Variants in C10orf53 observed in about 807,000 individuals in gnomAD.
C10orf53 encodes the protein UPF0728 protein C10orf53.
In C10orf53, 8 loss-of-function variants were observed where a neutral mutation model predicts 9.4. The observed-to-expected ratio is 0.85, with a 90% CI of 0.50 to 1.53. The LOEUF is 1.53. C10orf53 is among the 40% of genes most tolerant of loss of function. The pLI, the probability that C10orf53 is intolerant of heterozygous loss-of-function variation, is 0.00. For synonymous variants in C10orf53, 48 were observed against 46.0 expected (o/e 1.04, Z -0.18); for missense variants, 117 against 117.8 (o/e 0.99, Z 0.03).
intron 1 of C10orf53, among the ~76,000 whole-genome samples, chr10:49,683,665 A>G (rs573957628): frequency 6.6e-6 from 1 of 152,204 alleles, no homozygotes; most frequent in Non-Finnish European, 1.5e-5. Flanking sequence ...ACTTGAACCC[A>G]GGAGTTCAAG....
At chr10:49,694,423 T>A (rs2278561) in intron 2 of C10orf53, 115 bp from the exon 3 acceptor site, 1 of 1,389,242 alleles carries the variant, frequency 7.2e-7, no homozygotes, top group South Asian at 1.3e-5. Flanking sequence ...TAGTTAACAT[T>A]TTACCAGCCC....
At chr10:49,689,630 G>C (rs558229181) in intron 1 of C10orf53, among the ~76,000 whole-genome samples, 1 of 152,128 alleles carries the variant, frequency 6.6e-6, no homozygotes, top group South Asian at 2.1e-4. Flanking sequence ...AAAGGAATGG[G>C]TAAATAAATT....
chr10:49,708,334 T>C (rs749204515), intron 2 of C10orf53: 2 of 1,609,358 alleles, frequency 1.2e-6, no homozygotes. Context: ...TTGATGCTGC[T>C]TTCTTCTCTG....
downstream of C10orf53, among the ~76,000 whole-genome samples, chr10:49,699,190 CTTTTTTTTT>C (rs67695235): frequency 4.6e-5 from 3 of 64,870 alleles, no homozygotes; most frequent in Non-Finnish European, 7.5e-5. Context: ...GTGGCTCAAT[CTTTTTTTTT>C]TTTTTTTTTT....
At chr10:49,708,825 C>A in exon 3 of C10orf53, 1 of 684,302 alleles carries the variant, frequency 1.5e-6, no homozygotes, top group Non-Finnish European at 2.4e-6. Flanking sequence ...CAACTGTATT[C>A]CCGTGTTGAA....
intron 2 of C10orf53, chr10:49,694,283 T>C: frequency 1.7e-6 from 1 of 598,152 alleles, no homozygotes; most frequent in Non-Finnish European, 2.9e-6. Flanking sequence ...ACTGAGTTGA[T>C]ATGCCAGCAG....
intron 2 of C10orf53, among the ~76,000 whole-genome samples, chr10:49,707,442 C>T (rs1221626076): frequency 6.6e-6 from 1 of 152,188 alleles, no homozygotes; most frequent in African/African-American, 2.4e-5. Flanking sequence ...CAATGACAAG[C>T]ACAACCAGCT....
In C10orf53 at chr10:49,696,922, T is replaced by C. The variant is rs1043248870; in HGVS notation, c.*2320T>C. On this transcript the variant is annotated 3_prime_UTR_variant, in exon 3 of 3. Coordinates refer to ENST00000374111, the MANE Select transcript of C10orf53 (RefSeq NM_001042427.3). ...AACTTAAAATCAGGGCCGGGCACTA[T>C]GGCTTTTGCCTGTAATCCCAGCACT... is the stretch of plus-strand genomic sequence containing the variant. Among the ~76,000 whole-genome samples the C allele has an allele frequency of 2.8e-4, 42 of 152,240 alleles. No individual in the cohort carries two copies. Among genetic ancestry groups the C allele is most frequent in the African/African-American group, 9.9e-4 (41 of 41,464 alleles).
chr10:49,699,196 T>TA (rs1307332080), downstream of C10orf53, among the ~76,000 whole-genome samples: 25 of 122,510 alleles, frequency 2.0e-4, 3 homozygotes, highest in South Asian at 3.2e-4. Context: ...CAATCTTTTT[T>TA]TTTTTTTTTT....
exon 3 of C10orf53, chr10:49,709,234 T>C (rs988387265): frequency 1.3e-5 from 2 of 152,530 alleles, no homozygotes; most frequent in Admixed American, 6.5e-5. Context: ...ACCTCAACTC[T>C]AGGGCTTGTG....
rs1035488898 is a variant in C10orf53, at chr10:49,679,802, T to G, written c.97+8T>G. The G allele has an allele frequency of 6.5e-7, 1 of 1,529,628 alleles. No individual in the cohort carries two copies. The highest frequency in any genetic ancestry group is 8.8e-7 in the Non-Finnish European group (1 of 1,139,284). 94.8% of individuals were successfully genotyped at this position (1,529,628 alleles called of 1,614,324 possible). ...GCCTGCAGGGCCTGCAAGGTGGGCC[T>G]CCTCGCCGCGTGCGCCCCTGAGGGC... is the stretch of plus-strand genomic sequence containing the variant. On this transcript the variant is annotated splice_region_variant and intron_variant, in intron 1 of 2. Transcript: ENST00000374111.
At chr10:49,700,781 C>T (rs547811457), downstream of C10orf53, among the ~76,000 whole-genome samples, 6 of 152,252 alleles carry the variant, frequency 3.9e-5, no homozygotes, top group South Asian at 1.2e-3. Context: ...CACCCTGGAA[C>T]CTGCTGGAAG....
chr10:49,696,639 G>A lies in C10orf53; in HGVS notation c.*2037G>A, dbSNP rs1175659226. 6.6e-6 allele frequency among the ~76,000 whole-genome samples: 1 copy of A among 152,168 alleles called. No homozygotes were observed. Among genetic ancestry groups the A allele is most frequent in the African/African-American group, 2.4e-5 (1 of 41,444 alleles). On this transcript the variant is annotated 3_prime_UTR_variant, in exon 3 of 3. Transcript: ENST00000374111. ...TACACGGATTCTAAGAAATACCGGA[G>A]AAGCTTCTGGGAGATGCCTGTGCCC... is the stretch of plus-strand genomic sequence containing the variant.
chr10:49,689,571 G>A lies in C10orf53; in HGVS notation c.98-4203G>A, dbSNP rs76603454. ...ACGCACTAGGATGCATGCTGTGAAT[G>A]TTTTCTACAACATTCTCAGCGATAG... is the stretch of plus-strand genomic sequence containing the variant. On this transcript the variant is annotated intron_variant, in intron 1 of 2. Transcript: ENST00000374111. Among the ~76,000 whole-genome samples, 736 of 152,242 alleles carry A rather than the reference G, an allele frequency of 4.8e-3. 5 individuals carry two copies. The highest frequency in any genetic ancestry group is 0.016 in the African/African-American group (674 of 41,524).
intron 1 of C10orf53, among the ~76,000 whole-genome samples, chr10:49,688,850 C>G (rs1410545442): frequency 6.6e-6 from 1 of 152,180 alleles, no homozygotes; most frequent in Non-Finnish European, 1.5e-5. Flanking sequence ...CCTTGGGCAT[C>G]CCAACAAAAA....
At chr10:49,708,672 G>A in exon 3 of C10orf53, 1 of 1,595,254 alleles carries the variant, frequency 6.3e-7, no homozygotes, top group Non-Finnish European at 8.5e-7. Flanking sequence ...GAAAATGGTG[G>A]GTCTGTTTCC....
At chr10:49,689,008 A>C (rs1368732445) in intron 1 of C10orf53, among the ~76,000 whole-genome samples, 1 of 152,172 alleles carries the variant, frequency 6.6e-6, no homozygotes, top group East Asian at 1.9e-4. Context: ...TGAGGAGGGA[A>C]GGGGCAGGAG....
intron 2 of C10orf53, among the ~76,000 whole-genome samples, chr10:49,705,060 C>A (rs1001192120): frequency 2.6e-5 from 4 of 152,224 alleles, no homozygotes; most frequent in Admixed American, 2.6e-4. Flanking sequence ...CTGGTTCATT[C>A]ATTCAATGGA....
At chr10:49,689,687 G>A (rs187339149) in intron 1 of C10orf53, among the ~76,000 whole-genome samples, 1 of 152,216 alleles carries the variant, frequency 6.6e-6, no homozygotes, top group African/African-American at 2.4e-5. Context: ...GAAGAAGAAT[G>A]CAGCCACTCT....
Sources: allele counts gnomAD v4.1 joint callset (sites outside exome capture counted in the v4.1 genomes callset), GRCh38; gene constraint gnomAD v4.1.1; transcripts MANE v1.5; gene names NCBI Gene and HGNC (gene_info 2026-07-23, HGNC 2026-07-21).